The following PCSK5 variants were observed in gnomAD, a reference collection of about 807,000 sequenced individuals.
PCSK5 encodes the protein prohormone convertase 5.
Under a neutral mutation model 233.2 loss-of-function variants are expected in PCSK5, and 129 were observed. The ratio of observed to expected loss-of-function variants is 0.55; its 90% CI spans 0.48 to 0.64. The LOEUF is 0.64. PCSK5 is among the 30% of genes least tolerant of loss of function. PCSK5 has a pLI of 0.00. For missense variants in PCSK5, 2,076 were observed against 2,430.1 expected (o/e 0.85, Z 3.06); for synonymous variants, 825 against 879.2 (o/e 0.94, Z 1.09).
At chr9:76,057,608 G>C (rs1165059484) in intron 5 of PCSK5, among the ~76,000 whole-genome samples, 1 of 152,092 alleles carries the variant, frequency 6.6e-6, no homozygotes. Context: ...GCAATGTACA[G>C]AAATCTTTAT....
chr9:75,936,491 A>G (rs914679288), intron 2 of PCSK5, among the ~76,000 whole-genome samples: 15 of 152,248 alleles, frequency 9.9e-5, no homozygotes, highest in Admixed American at 1.3e-4. Flanking sequence ...TGTCATTTCA[A>G]CAATGTTCAC....
intron 22 of PCSK5, among the ~76,000 whole-genome samples, chr9:76,236,629 C>G (rs1826260421): frequency 6.6e-6 from 1 of 152,218 alleles, no homozygotes; most frequent in Non-Finnish European, 1.5e-5. Flanking sequence ...CAGGGCTACT[C>G]AAAATCTGAC....
rs149844185 is a variant in PCSK5 at position 76,343,846 on chromosome 9, G to T, written c.4966+5399G>T. Among the ~76,000 whole-genome samples the T allele has an allele frequency of 6.0e-3, 913 of 152,086 alleles. 4 individuals carry two copies. The highest frequency in any genetic ancestry group is 0.011 in the Non-Finnish European group (721 of 67,992). On this transcript the variant is annotated intron_variant, in intron 35 of 37. Transcript: ENST00000674117. ...TGTGAACAAGACAGCCAAGGTCCCC[G>T]CAGACCAGGCTAGTTTAATTTGTGT...
intron 7 of PCSK5, among the ~76,000 whole-genome samples, chr9:76,087,329 A>G (rs977726663): frequency 2.0e-5 from 3 of 152,174 alleles, no homozygotes; most frequent in Admixed American, 2.0e-4. Flanking sequence ...TTTTCTTTCT[A>G]TTCACACAAT....
chr9:75,942,883 TTC>T (rs1311538282), intron 2 of PCSK5, among the ~76,000 whole-genome samples: 868 of 64,382 alleles, frequency 0.013, 24 homozygotes, highest in Non-Finnish European at 0.019. Flanking sequence ...TTTCTTCTTC[TTC>T]TTTTTTTTTT....
chr9:76,094,670 T>A (rs1290946867), intron 7 of PCSK5, among the ~76,000 whole-genome samples: 2 of 152,222 alleles, frequency 1.3e-5, no homozygotes, highest in East Asian at 3.9e-4. Flanking sequence ...TGGCATGACC[T>A]CGGCTCATTG....
intron 24 of PCSK5, among the ~76,000 whole-genome samples, chr9:76,272,773 C>CAAAAAAAAAAAAA (rs71372058): frequency 1.6e-4 from 8 of 49,978 alleles, no homozygotes; most frequent in Non-Finnish European, 1.5e-4. Context: ...GACTCCATCT[C>CAAAAAAAAAAAAA]AAAAAAAAAA....
At chr9:76,324,326 G>A (rs1333021083) in intron 32 of PCSK5, among the ~76,000 whole-genome samples, 1 of 152,046 alleles carries the variant, frequency 6.6e-6, no homozygotes. Flanking sequence ...CACCTCCTGG[G>A]TTCAAGTGGT....
In PCSK5 at chr9:76,323,160, A is replaced by T. The variant is rs765188306; in HGVS notation, c.4211A>T (p.Glu1404Val). The change falls in exon 32 of 38, where the codon GAG becomes GTG. Residue 1404 changes from glutamate (E) to valine (V), a missense_variant. Transcript: ENST00000674117. ...HCVPCHKDCL[E>V]CSGPKADDCE... ...GTCCCCTGCCATAAAGACTGTCTGG[A>T]GTGCAGTGGCCCCAAAGCCGACGAC... is the stretch of plus-strand genomic sequence containing the variant. 1 of 1,612,404 alleles carries T rather than the reference A, an allele frequency of 6.2e-7. No homozygotes were observed. The highest frequency in any genetic ancestry group is 1.7e-5 in the Admixed American group (1 of 59,998).
At chr9:76,182,592 A>G (rs1823923267) in intron 16 of PCSK5, among the ~76,000 whole-genome samples, 1 of 151,962 alleles carries the variant, frequency 6.6e-6, no homozygotes, top group South Asian at 2.1e-4. Flanking sequence ...GTACCTTAAC[A>G]CAGAGTTTGG....
At chr9:76,182,703 T>C (rs1417075555) in intron 16 of PCSK5, among the ~76,000 whole-genome samples, 1 of 152,164 alleles carries the variant, frequency 6.6e-6, no homozygotes, top group East Asian at 1.9e-4. Context: ...AGTGTGGCTC[T>C]GAAAAGGACT....
At chr9:75,916,349 A>G (rs796865863) in intron 1 of PCSK5, among the ~76,000 whole-genome samples, 6 of 152,292 alleles carry the variant, frequency 3.9e-5, no homozygotes, top group African/African-American at 1.4e-4. Flanking sequence ...CAGTGTTATT[A>G]TTTCAAAAAT....
At chr9:76,314,476 A>G (rs1828961315) in intron 30 of PCSK5, among the ~76,000 whole-genome samples, 1 of 152,220 alleles carries the variant, frequency 6.6e-6, no homozygotes, top group Non-Finnish European at 1.5e-5. Context: ...GCTGTTTCTG[A>G]GAAATCACCC....
chr9:76,284,756 T>G (rs371328739), intron 24 of PCSK5, among the ~76,000 whole-genome samples: 205 of 152,058 alleles, frequency 1.3e-3, no homozygotes, highest in African/African-American at 4.7e-3. Context: ...GGTCTCAAAC[T>G]CCCGACGTCA....
chr9:76,052,908 G>C (rs1273648134), intron 5 of PCSK5, among the ~76,000 whole-genome samples: 1 of 152,126 alleles, frequency 6.6e-6, no homozygotes, highest in African/African-American at 2.4e-5. Context: ...CAAACTGAAG[G>C]GGCTGTGGGT....
intron 36 of PCSK5, among the ~76,000 whole-genome samples, chr9:76,351,168 C>T (rs550176631): frequency 3.9e-5 from 6 of 152,212 alleles, no homozygotes; most frequent in South Asian, 2.1e-4. Context: ...GAAGTTAAGT[C>T]GTGAGGGCCT....
intron 2 of PCSK5, among the ~76,000 whole-genome samples, chr9:75,944,876 T>G (rs139684229): frequency 0.3 from 46,121 of 151,830 alleles, 7,227 homozygotes; most frequent in East Asian, 0.48. Flanking sequence ...TTGGGAGGCC[T>G]AGGCAGGCGG....
At chr9:76,302,753 T>C (rs567549878) in intron 28 of PCSK5, among the ~76,000 whole-genome samples, 7 of 152,268 alleles carry the variant, frequency 4.6e-5, no homozygotes, top group Admixed American at 4.6e-4. Flanking sequence ...TGATAAACCG[T>C]GTGAATAGAT....
intron 9 of PCSK5, among the ~76,000 whole-genome samples, chr9:76,116,107 A>G (rs1161659395): frequency 6.6e-6 from 1 of 152,068 alleles, no homozygotes; most frequent in African/African-American, 2.4e-5. Flanking sequence ...AGAGAAAAGT[A>G]AATAAGGAAA....
Sources: gnomAD v4.1 joint callset for allele counts (sites outside exome capture counted in the v4.1 genomes callset) on GRCh38, gnomAD v4.1.1 for gene constraint, MANE v1.5 for transcripts, NCBI Gene and HGNC (gene_info 2026-07-23, HGNC 2026-07-21) for gene names.